The following XNDC1N variants were observed in gnomAD, a reference collection of about 807,000 sequenced individuals.
XNDC1N encodes protein XNDC1N.
At chr11:71,884,384 T>A in the XNDC1N span, 1 of 1,558,642 alleles carries the variant, frequency 6.4e-7, no homozygotes, top group Non-Finnish European at 8.7e-7. Flanking sequence ...TTGTGTCATA[T>A]AATTTGTCTT....
the XNDC1N span, among the ~76,000 whole-genome samples, chr11:71,885,669 G>T: frequency 6.6e-6 from 1 of 152,060 alleles, no homozygotes; most frequent in East Asian, 1.9e-4. Flanking sequence ...TGAGGTATTA[G>T]GGAGTAATAT....
the XNDC1N span, among the ~76,000 whole-genome samples, chr11:71,925,655 G>A: frequency 2.6e-5 from 4 of 152,054 alleles, no homozygotes; most frequent in South Asian, 2.1e-4. Flanking sequence ...TGAGCCAGGC[G>A]CGGTGGCTCA....
At chr11:71,885,301 T>C in the XNDC1N span, among the ~76,000 whole-genome samples, 1 of 152,154 alleles carries the variant, frequency 6.6e-6, no homozygotes, top group African/African-American at 2.4e-5. Context: ...AATATCACAT[T>C]CTTCCCTCCA....
chr11:71,889,523 T>G, the XNDC1N span, among the ~76,000 whole-genome samples: 4 of 151,930 alleles, frequency 2.6e-5, no homozygotes, highest in African/African-American at 9.7e-5. Context: ...GAAGGATGGA[T>G]TCGGTTAGCA....
chr11:71,891,251 C>G, the XNDC1N span, among the ~76,000 whole-genome samples: 22 of 151,622 alleles, frequency 1.5e-4, no homozygotes, highest in African/African-American at 4.8e-4. Flanking sequence ...ATCCTCTCTC[C>G]CTGTGGATAT....
the XNDC1N span, chr11:71,878,442 C>A: frequency 1.2e-6 from 2 of 1,611,604 alleles, no homozygotes; most frequent in Non-Finnish European, 1.7e-6. Context: ...ACCTGCTTTA[C>A]CTATTCAACC....
the XNDC1N span, among the ~76,000 whole-genome samples, chr11:71,908,369 TATTA>T: frequency 1.6e-4 from 25 of 151,938 alleles, no homozygotes; most frequent in South Asian, 6.2e-4. Context: ...AAGTATTTAA[TATTA>T]ATTATTATTA....
chr11:71,867,801 T>G, the XNDC1N span, among the ~76,000 whole-genome samples: 3 of 152,220 alleles, frequency 2.0e-5, no homozygotes, highest in African/African-American at 7.2e-5. Flanking sequence ...GTCTTTTAGG[T>G]CCATTTGGTC....
chr11:71,867,045 TA>T, the XNDC1N span, among the ~76,000 whole-genome samples: 1 of 152,174 alleles, frequency 6.6e-6, no homozygotes, highest in Non-Finnish European at 1.5e-5. Flanking sequence ...ATAACTCATA[TA>T]ACCTTGAAAG....
the XNDC1N span, among the ~76,000 whole-genome samples, chr11:71,880,079 A>C: frequency 6.6e-6 from 1 of 152,204 alleles, no homozygotes; most frequent in African/African-American, 2.4e-5. Context: ...ATTCTGTATA[A>C]TTATATAAAT....
the XNDC1N span, chr11:71,893,453 G>T: frequency 1.4e-5 from 10 of 720,498 alleles, no homozygotes; most frequent in Non-Finnish European, 2.6e-5. Context: ...TTCTCAAGGT[G>T]TCCAAGACAC....
At chr11:71,912,798 T>C in the XNDC1N span, among the ~76,000 whole-genome samples, 15 of 152,060 alleles carry the variant, frequency 9.9e-5, no homozygotes, top group Non-Finnish European at 1.5e-4. Flanking sequence ...GTCTCTCCCC[T>C]AGATATTAGG....
At chr11:71,912,161 C>T in the XNDC1N span, among the ~76,000 whole-genome samples, 36 of 152,280 alleles carry the variant, frequency 2.4e-4, no homozygotes, top group Admixed American at 2.1e-3. Context: ...TGTTACCTGC[C>T]GCCAGCATGA....
the XNDC1N span, among the ~76,000 whole-genome samples, chr11:71,889,310 G>A: frequency 6.6e-6 from 1 of 152,238 alleles, no homozygotes; most frequent in African/African-American, 2.4e-5. Context: ...AACCCCACAA[G>A]GTGGCAGTTA....
the XNDC1N span, chr11:71,916,229 C>A: frequency 1.4e-6 from 1 of 702,612 alleles, no homozygotes; most frequent in African/African-American, 1.7e-5. Flanking sequence ...CATAACTCTC[C>A]TGAGGCTGGA....
At chr11:71,868,583 CTT>C in the XNDC1N span, among the ~76,000 whole-genome samples, 2 of 152,184 alleles carry the variant, frequency 1.3e-5, no homozygotes, top group African/African-American at 2.4e-5. Context: ...GATTTCTTGT[CTT>C]TAAGAATGCT....
the XNDC1N span, among the ~76,000 whole-genome samples, chr11:71,891,372 G>A: frequency 1.3e-5 from 2 of 151,994 alleles, no homozygotes; most frequent in African/African-American, 2.4e-5. Context: ...CACCCCCTGC[G>A]ATATTGGGAG....
the XNDC1N span, among the ~76,000 whole-genome samples, chr11:71,898,052 C>T: frequency 6.6e-6 from 1 of 152,044 alleles, no homozygotes; most frequent in Non-Finnish European, 1.5e-5. Context: ...AGCGTGGTGG[C>T]GTGTGCCTAT....
chr11:71,928,356 G>C, the XNDC1N span: 1 of 641,854 alleles, frequency 1.6e-6, no homozygotes, highest in Admixed American at 2.4e-5. Flanking sequence ...AAATCCCAAC[G>C]CCCCTCACCC....
Sources: allele counts gnomAD v4.1 joint callset (sites outside exome capture counted in the v4.1 genomes callset), GRCh38; gene constraint gnomAD v4.1.1; transcripts MANE v1.5; gene names NCBI Gene and HGNC (gene_info 2026-07-23, HGNC 2026-07-21).